The following TARS3 variants were observed in gnomAD, a reference collection of about 807,000 sequenced individuals.
The protein encoded by TARS3 is threonyl-tRNA synthetase 3.
In TARS3, 94 loss-of-function variants were observed where a neutral mutation model predicts 103.5. The observed-to-expected ratio is 0.91, with a 90% CI of 0.77 to 1.08. TARS3 has a LOEUF of 1.08. Ranked by LOEUF, TARS3 falls within the 50% of genes least tolerant of loss-of-function variation. The pLI is 0.00. For synonymous variants in TARS3, 416 were observed against 355.4 expected, an observed-to-expected ratio of 1.17 and a Z score of -1.92; for missense variants, 952 against 995.2, an observed-to-expected ratio of 0.96 and a Z score of 0.58.
intron 3 of TARS3, among the ~76,000 whole-genome samples, chr15:101,720,507 C>G (rs1434326584): frequency 6.6e-6 from 1 of 152,096 alleles, no homozygotes; most frequent in Non-Finnish European, 1.5e-5. Flanking sequence ...GTAAAATGGC[C>G]TATCAAGAAT....
At chr15:101,691,463 A>G (rs975756026) in intron 10 of TARS3, among the ~76,000 whole-genome samples, 2 of 151,044 alleles carry the variant, frequency 1.3e-5, no homozygotes, top group African/African-American at 4.9e-5. Flanking sequence ...TATTTTTAGT[A>G]GACACAGGGT....
In TARS3 at chr15:101,685,686, G is replaced by C. The variant is rs146771800; in HGVS notation, c.1487+210C>G. 6.5e-3 allele frequency among the ~76,000 whole-genome samples: 983 copies of C among 152,188 alleles called. 33 individuals carry two copies. Among genetic ancestry groups the C allele is most frequent in the Admixed American group, 0.054 (830 of 15,276 alleles). ...TTTAATCAGCACAAAAAAATGCAATGGTTACCAGCTAACATCCCATACCTG... is the reference window on the plus strand; with the variant it reads ...TTTAATCAGCACAAAAAAATGCAATCGTTACCAGCTAACATCCCATACCTG... On this transcript the variant is annotated intron_variant, in intron 11 of 18. Coordinates refer to ENST00000335968, the MANE Select transcript of TARS3 (RefSeq NM_152334.3).
intron 3 of TARS3, among the ~76,000 whole-genome samples, chr15:101,715,733 T>C (rs996183400): frequency 6.6e-6 from 1 of 152,178 alleles, no homozygotes; most frequent in Non-Finnish European, 1.5e-5. Flanking sequence ...TGAGGTCGCC[T>C]AAGTCTTGCT....
chr15:101,696,596 A>G (rs1898994445), intron 10 of TARS3, among the ~76,000 whole-genome samples: 1 of 152,210 alleles, frequency 6.6e-6, no homozygotes, highest in Non-Finnish European at 1.5e-5. Flanking sequence ...GGATGTAGGT[A>G]CTGCTATAAC....
chr15:101,685,991 G>A lies in TARS3; in HGVS notation c.1392C>T (p.Ala464=). The A allele has an allele frequency of 6.2e-7, 1 of 1,614,048 alleles. No individual in the cohort carries two copies. The highest frequency in any genetic ancestry group is 8.5e-7 in the Non-Finnish European group (1 of 1,179,940). The part of the protein sequence containing the change: ...PNMYNSKLWE[A]SGHWQHYSEN... ...CGCTGTAATGCTGCCAGTGGCCTGA[G>A]GCTTCCCAGAGTTTACTGTTGTACA... Residue 464 remains alanine (A), a synonymous_variant, in exon 11 of 19, where the codon GCC becomes GCT. Transcript: ENST00000335968.
At chr15:101,697,256 A>G (rs2141422899) in intron 10 of TARS3, among the ~76,000 whole-genome samples, 1 of 152,320 alleles carries the variant, frequency 6.6e-6, no homozygotes, top group South Asian at 2.1e-4. Flanking sequence ...ATGATTCTTC[A>G]GTTGACATAA....
chr15:101,691,293 T>TA (rs1491465694), intron 10 of TARS3, among the ~76,000 whole-genome samples: 70 of 83,262 alleles, frequency 8.4e-4, no homozygotes, highest in East Asian at 3.5e-3. Flanking sequence ...TATATATATA[T>TA]TTTTGAAACA....
At chr15:101,718,419 A>G (rs1248492379) in intron 3 of TARS3, among the ~76,000 whole-genome samples, 1 of 152,148 alleles carries the variant, frequency 6.6e-6, no homozygotes, top group African/African-American at 2.4e-5. Context: ...GAGTTATCTC[A>G]GATGAAAACA....
At chr15:101,688,748 T>G (rs930025188) in intron 10 of TARS3, among the ~76,000 whole-genome samples, 1 of 152,166 alleles carries the variant, frequency 6.6e-6, no homozygotes, top group African/African-American at 2.4e-5. Context: ...AAGTAGGTGA[T>G]CAAGTGTTAA....
At chr15:101,715,304 G>C (rs1411502130) in intron 3 of TARS3, among the ~76,000 whole-genome samples, 1 of 151,046 alleles carries the variant, frequency 6.6e-6, no homozygotes, top group African/African-American at 2.4e-5. Context: ...CCGCCACTAC[G>C]CGCGGCTAAT....
At chr15:101,658,462 A>C (rs546115914) in intron 16 of TARS3, among the ~76,000 whole-genome samples, 1 of 152,012 alleles carries the variant, frequency 6.6e-6, no homozygotes, top group South Asian at 2.1e-4. Flanking sequence ...TATTCTTTAT[A>C]TGACAAAATG....
chr15:101,667,028 T>C (rs1897605890), intron 15 of TARS3, among the ~76,000 whole-genome samples: 1 of 152,224 alleles, frequency 6.6e-6, no homozygotes, highest in Non-Finnish European at 1.5e-5. Flanking sequence ...GTTGTGTTAA[T>C]AGGCATGAGA....
At chr15:101,679,284 T>C (rs1898158625) in intron 12 of TARS3, among the ~76,000 whole-genome samples, 1 of 152,204 alleles carries the variant, frequency 6.6e-6, no homozygotes, top group South Asian at 2.1e-4. Context: ...AGATATCTTG[T>C]TATATCCCAC....
intron 15 of TARS3, among the ~76,000 whole-genome samples, chr15:101,662,271 G>GA (rs149604246): frequency 0.034 from 5,092 of 150,090 alleles, 113 homozygotes; most frequent in Middle Eastern, 0.055. Context: ...TTCCCCTTAG[G>GA]AAAAAAAAAT....
intron 5 of TARS3, among the ~76,000 whole-genome samples, chr15:101,709,135 G>A (rs1374830768): frequency 1.3e-5 from 2 of 152,232 alleles, no homozygotes; most frequent in Admixed American, 6.5e-5. Context: ...GCTGCAAGGG[G>A]AGAAGGAAGC....
At chr15:101,693,283 C>T (rs764237968) in intron 10 of TARS3, among the ~76,000 whole-genome samples, 25 of 152,098 alleles carry the variant, frequency 1.6e-4, no homozygotes, top group Admixed American at 3.9e-4. Context: ...CTCACAATCA[C>T]GGTGGAAGGC....
intron 14 of TARS3, 36 bp from the exon 15 acceptor site, chr15:101,671,622 T>A: frequency 6.2e-7 from 1 of 1,609,940 alleles, no homozygotes; most frequent in Non-Finnish European, 8.5e-7. Context: ...GAAAAGAGTA[T>A]TTATTTTTCT....
chr15:101,678,515 T>A (rs1052056664), intron 12 of TARS3, among the ~76,000 whole-genome samples: 9 of 152,018 alleles, frequency 5.9e-5, no homozygotes, highest in East Asian at 3.8e-4. Flanking sequence ...CTTTTTTTTT[T>A]ATTGGTTTCT....
At chr15:101,705,902 C>T (rs1425414692) in intron 6 of TARS3, among the ~76,000 whole-genome samples, 155 bp from the exon 7 acceptor site, 1 of 152,138 alleles carries the variant, frequency 6.6e-6, no homozygotes. Context: ...TGAGCGACAC[C>T]GTGCAGCATG....
Sources: gnomAD v4.1 joint callset for allele counts (sites outside exome capture counted in the v4.1 genomes callset) on GRCh38, gnomAD v4.1.1 for gene constraint, MANE v1.5 for transcripts, NCBI Gene and HGNC (gene_info 2026-07-23, HGNC 2026-07-21) for gene names.